MYO5A: variants seen among roughly 807,000 people sequenced by gnomAD.
MYO5A encodes myosin VA.
Under a neutral mutation model 249.7 loss-of-function variants are expected in MYO5A, and 98 were observed. The ratio of observed to expected loss-of-function variants is 0.39; its 90% CI spans 0.33 to 0.46. The LOEUF (loss-of-function observed/expected upper bound fraction) is 0.46, where lower values mean the gene tolerates loss of function less well. MYO5A is among the 20% of genes least tolerant of loss of function. The pLI is 0.98. For missense variants in MYO5A, 1,696 were observed against 2,308.8 expected (o/e 0.73, Z 5.44); for synonymous variants, 778 against 810.6 (o/e 0.96, Z 0.68).
intron 1 of MYO5A, among the ~76,000 whole-genome samples, chr15:52,511,602 G>C (rs762536686): frequency 6.6e-5 from 10 of 152,154 alleles, no homozygotes; most frequent in Non-Finnish European, 1.3e-4. Flanking sequence ...AGAATGTGTA[G>C]GTTATAATAC....
chr15:52,317,842 A>G (rs772134230), intron 39 of MYO5A, among the ~76,000 whole-genome samples: 1 of 152,256 alleles, frequency 6.6e-6, no homozygotes, highest in African/African-American at 2.4e-5. Context: ...TGTAGGTTTC[A>G]CAAAATAGCC....
chr15:52,364,771 A>G, intron 23 of MYO5A, 69 bp from the exon 24 acceptor site: 1 of 1,559,902 alleles, frequency 6.4e-7, no homozygotes. Context: ...AAACATGTAT[A>G]CTGATTTCCA....
At chr15:52,322,208 A>C (rs762862333) in intron 37 of MYO5A, among the ~76,000 whole-genome samples, 1 of 152,210 alleles carries the variant, frequency 6.6e-6, no homozygotes, top group Non-Finnish European at 1.5e-5. Context: ...CACCTACTTA[A>C]TGACTGGTCC....
At chr15:52,526,723 TA>T (rs1566885208) in intron 1 of MYO5A, among the ~76,000 whole-genome samples, 1 of 152,198 alleles carries the variant, frequency 6.6e-6, no homozygotes, top group Admixed American at 6.5e-5. Flanking sequence ...AGGTAAATTT[TA>T]AAATAGATTG....
At chr15:52,317,296 C>T (rs896502352) in intron 39 of MYO5A, 74 bp from the exon 40 acceptor site, 18 of 1,435,470 alleles carry the variant, frequency 1.3e-5, no homozygotes, top group African/African-American at 8.4e-5. Flanking sequence ...TTTTTGTGTG[C>T]GGCCTTGTCA....
At chr15:52,353,528 T>C (rs2040054918) in intron 27 of MYO5A, 77 bp downstream of exon 27, 18 of 1,249,244 alleles carry the variant, frequency 1.4e-5, no homozygotes, top group Non-Finnish European at 2.1e-5. Context: ...GGATGTTCTC[T>C]GAGAAAAAGA....
Position 52,348,808 on chromosome 15 carries a change from G to T in MYO5A, c.3858+10C>A, listed in dbSNP as rs1235214392. On this transcript the variant is annotated intron_variant, in intron 29 of 41. Coordinates refer to ENST00000399233, the MANE Select transcript of MYO5A (RefSeq NM_001382347.1). The stretch of plus-strand genomic sequence containing the variant: ...AAGTATTTACTAAAAAAAAAAAAAG[G>T]TATAATTACCTTGTCATCCTGAGAA... 1.9e-6 allele frequency: 3 copies of T among 1,544,652 alleles called. No individual in the cohort carries two copies. The highest frequency in any genetic ancestry group is 2.6e-6 in the Non-Finnish European group (3 of 1,139,228).
chr15:52,499,522 T>C (rs1375089322), intron 1 of MYO5A, among the ~76,000 whole-genome samples: 1 of 152,206 alleles, frequency 6.6e-6, no homozygotes, highest in African/African-American at 2.4e-5. Context: ...TAGGAGCAAC[T>C]ATGCTACTTT....
intron 1 of MYO5A, among the ~76,000 whole-genome samples, chr15:52,510,169 C>T (rs1200633061): frequency 6.7e-6 from 1 of 150,284 alleles, no homozygotes; most frequent in Non-Finnish European, 1.5e-5. Flanking sequence ...ACAGCCCACA[C>T]ATTCTGAATA....
intron 9 of MYO5A, among the ~76,000 whole-genome samples, chr15:52,397,991 A>G (rs1595595984): frequency 6.6e-6 from 1 of 152,200 alleles, no homozygotes; most frequent in African/African-American, 2.4e-5. Flanking sequence ...GAGAAAAGGA[A>G]GGTGCTAACT....
chr15:52,330,866 T>G (rs1274047347), intron 34 of MYO5A, among the ~76,000 whole-genome samples: 1 of 152,248 alleles, frequency 6.6e-6, no homozygotes, highest in Non-Finnish European at 1.5e-5. Context: ...GTTAAACATA[T>G]TTTGACTTTA....
At chr15:52,439,681 T>C (rs1176977954) in intron 1 of MYO5A, among the ~76,000 whole-genome samples, 1 of 152,058 alleles carries the variant, frequency 6.6e-6, no homozygotes, top group African/African-American at 2.4e-5. Flanking sequence ...CAAGCAGGGT[T>C]GAGATGGGGC....
At chr15:52,373,128 G>C (rs879570050) in intron 20 of MYO5A, among the ~76,000 whole-genome samples, 4 of 151,858 alleles carry the variant, frequency 2.6e-5, no homozygotes, top group African/African-American at 4.8e-5. Flanking sequence ...AAAAAGATGT[G>C]AAACAAACTA....
intron 40 of MYO5A, among the ~76,000 whole-genome samples, chr15:52,316,254 A>G (rs1442786320): frequency 6.6e-6 from 1 of 151,398 alleles, no homozygotes; most frequent in African/African-American, 2.4e-5. Flanking sequence ...AAAAAAAAAA[A>G]AAAAGAAAGA....
intron 32 of MYO5A, among the ~76,000 whole-genome samples, chr15:52,339,596 C>G (rs752866): frequency 0.63 from 94,876 of 151,404 alleles, 30,628 homozygotes; most frequent in African/African-American, 0.66. Context: ...TAGAATCTGA[C>G]AAGGAAAAAG....
chr15:52,466,910 G>C (rs2076364977), intron 1 of MYO5A, among the ~76,000 whole-genome samples: 1 of 152,188 alleles, frequency 6.6e-6, no homozygotes, highest in Non-Finnish European at 1.5e-5. Flanking sequence ...TATCACCCAT[G>C]ACATCACAGC....
chr15:52,426,139 G>A (rs916725628), intron 3 of MYO5A, among the ~76,000 whole-genome samples, 165 bp from the exon 4 acceptor site: 2 of 152,046 alleles, frequency 1.3e-5, no homozygotes, highest in Non-Finnish European at 2.9e-5. Context: ...CATAGCCTTC[G>A]CCTCTGAACC....
chr15:52,365,610 C>T (rs924464419), intron 23 of MYO5A, among the ~76,000 whole-genome samples: 1 of 152,208 alleles, frequency 6.6e-6, no homozygotes, highest in South Asian at 2.1e-4. Context: ...TCTCTGTGAG[C>T]ACGATGAGGC....
chr15:52,489,519 G>A (rs762346930), intron 1 of MYO5A, among the ~76,000 whole-genome samples: 5 of 150,746 alleles, frequency 3.3e-5, no homozygotes, highest in Non-Finnish European at 7.4e-5. Context: ...AGCCAAGATC[G>A]TGCCAGGGCA....
Sources: allele counts gnomAD v4.1 joint callset (sites outside exome capture counted in the v4.1 genomes callset), GRCh38; gene constraint gnomAD v4.1.1; transcripts MANE v1.5; gene names NCBI Gene and HGNC (gene_info 2026-07-23, HGNC 2026-07-21).